Variants in CDH3 observed in about 807,000 individuals in gnomAD.
CDH3 encodes cadherin 3.
CDH3 carries 54 observed loss-of-function variants against 82.0 expected under a neutral mutation model. The ratio of observed to expected loss-of-function variants is 0.66; its 90% CI spans 0.53 to 0.83. The LOEUF (loss-of-function observed/expected upper bound fraction) is 0.83, where lower values mean the gene tolerates loss of function less well. CDH3 is among the 40% of genes least tolerant of loss of function. CDH3 has a pLI of 0.00. For synonymous variants in CDH3, 446 were observed against 437.9 expected, an observed-to-expected ratio of 1.02 and a Z score of -0.23; for missense variants, 1,054 against 1,084.6, an observed-to-expected ratio of 0.97 and a Z score of 0.40.
At chr16:68,683,896 G>A (rs1384587637) in intron 9 of CDH3, among the ~76,000 whole-genome samples, 5 of 149,798 alleles carry the variant, frequency 3.3e-5, no homozygotes, top group African/African-American at 1.2e-4. Flanking sequence ...GGTGAAACCC[G>A]TCTCTACTAA....
chr16:68,669,765 A>G (rs926965237), intron 2 of CDH3, among the ~76,000 whole-genome samples: 10 of 152,010 alleles, frequency 6.6e-5, no homozygotes, highest in Admixed American at 5.9e-4. Flanking sequence ...AATTGACAGA[A>G]TTGTCTGGTT....
chr16:68,732,426 G>C (rs116590394), downstream of CDH3, among the ~76,000 whole-genome samples: 254 of 152,268 alleles, frequency 1.7e-3, 1 homozygote, highest in African/African-American at 5.8e-3. Context: ...CTCCAGGCAG[G>C]CCAGTGGCCA....
At chr16:68,649,341 A>T (rs1431654433) in intron 2 of CDH3, among the ~76,000 whole-genome samples, 2 of 152,128 alleles carry the variant, frequency 1.3e-5, no homozygotes, top group African/African-American at 2.4e-5. Flanking sequence ...TAACATCAAG[A>T]TGGTTTTGTC....
intron 2 of CDH3, among the ~76,000 whole-genome samples, chr16:68,647,822 C>T (rs1299406513): frequency 6.6e-6 from 1 of 151,458 alleles, no homozygotes; most frequent in African/African-American, 2.5e-5. Flanking sequence ...AGCCTGGATC[C>T]AGCCACGTTG....
rs531100408 is a variant in CDH3 at position 68,705,429 on chromosome 16, T to G, written c.99+9506T>G. Among the ~76,000 whole-genome samples the G allele has an allele frequency of 9.0e-4, 137 of 151,960 alleles. 1 individual carries two copies. Among genetic ancestry groups the G allele is most frequent in the East Asian group, 2.7e-3 (14 of 5,130 alleles). On this transcript the variant is annotated intron_variant, in intron 1 of 2. Coordinates refer to the CDH3 transcript ENST00000569080. Reference sequence around the variant, plus strand: ...GCACCTGTTCTGTGCAAGACACTGGTTTTTTTTTGGAGATACAGTCTCGCT... The same window carrying G: ...GCACCTGTTCTGTGCAAGACACTGGGTTTTTTTTGGAGATACAGTCTCGCT...
intron 8 of CDH3, among the ~76,000 whole-genome samples, chr16:68,681,847 T>A (rs1961238516): frequency 6.6e-6 from 1 of 152,062 alleles, no homozygotes; most frequent in African/African-American, 2.4e-5. Flanking sequence ...AAAAATAAAA[T>A]AAAAATAAAT....
rs780527780 is a variant in CDH3, at chr16:68,679,777, G to C, written c.692-22G>C. 1.7e-5 allele frequency: 27 copies of C among 1,547,760 alleles called. No individual in the cohort carries two copies. In the Admixed American group the frequency reaches 2.2e-4, roughly 13 times the overall value. On this transcript the variant is annotated intron_variant, in intron 6 of 15. Transcript: ENST00000264012. The stretch of plus-strand genomic sequence containing the variant: ...GCTGGAGTTGGAACTGGGAGGAAAA[G>C]ATACTCATCCCTTCTCTCCAGGTAC...
At chr16:68,682,525 G>C (rs375512926) in intron 9 of CDH3, 38 bp downstream of exon 9, 45 of 1,589,854 alleles carry the variant, frequency 2.8e-5, no homozygotes, top group Non-Finnish European at 3.6e-5. Flanking sequence ...GCTATACCTG[G>C]GGCAGTCAGG....
intron 2 of CDH3, among the ~76,000 whole-genome samples, chr16:68,663,525 C>T (rs1960654133): frequency 6.6e-6 from 1 of 152,032 alleles, no homozygotes; most frequent in South Asian, 2.1e-4. Flanking sequence ...TGAGCCACCA[C>T]GCCTGGCCGA....
At chr16:68,700,872 A>T (rs1165024479), downstream of CDH3, among the ~76,000 whole-genome samples, 1 of 152,148 alleles carries the variant, frequency 6.6e-6, no homozygotes. Flanking sequence ...AAGGGTATGA[A>T]GTCGGATGAG....
chr16:68,673,770 C>A lies in CDH3; in HGVS notation c.161-2615C>A, dbSNP rs148115727. On this transcript the variant is annotated intron_variant, in intron 2 of 15. Transcript: ENST00000264012. ...TGAAACCCCATCTCTACTAAAAATACTAAAATTAGCTGGGCATGGTGGTGC... is the reference window on the plus strand; with the variant it reads ...TGAAACCCCATCTCTACTAAAAATAATAAAATTAGCTGGGCATGGTGGTGC... 2.0e-3 allele frequency among the ~76,000 whole-genome samples: 302 copies of A among 152,196 alleles called. 2 individuals carry two copies. The highest frequency in any genetic ancestry group is 6.1e-3 in the African/African-American group (252 of 41,540).
At position 68,695,316 on chromosome 16, in the gene CDH3, A is replaced by G. The variant is rs749115592; in HGVS notation, c.2064A>G (p.Leu688=). Residue 688 remains leucine (L), a synonymous_variant, in exon 14 of 16, where the codon CTA becomes CTG. Transcript: ENST00000264012. ...AGCGGAAGATCAAGGAGCCCCTCCT[A>G]CTCCCAGAAGATGACACCCGTGACA... ...RKKRKIKEPL[L]LPEDDTRDNV... is the part of the protein sequence containing the mutation. 1 of 1,613,868 alleles carries G rather than the reference A, an allele frequency of 6.2e-7. No homozygotes were observed. Among genetic ancestry groups the G allele is most frequent in the Non-Finnish European group, 8.5e-7 (1 of 1,179,980 alleles).
At chr16:68,649,896 T>C (rs1960189580) in intron 2 of CDH3, among the ~76,000 whole-genome samples, 1 of 151,808 alleles carries the variant, frequency 6.6e-6, no homozygotes. Context: ...TAGCTGGGTG[T>C]GATGGTGGTG....
chr16:68,686,982 T>A (rs1314725364), intron 11 of CDH3, among the ~76,000 whole-genome samples: 1 of 152,094 alleles, frequency 6.6e-6, no homozygotes, highest in East Asian at 1.9e-4. Flanking sequence ...AAATAAAACA[T>A]CAGCATTAGG....
chr16:68,728,706 C>A (rs948821542), downstream of CDH3, among the ~76,000 whole-genome samples: 7 of 152,120 alleles, frequency 4.6e-5, no homozygotes, highest in Non-Finnish European at 7.3e-5. Context: ...GTTGTTTGAG[C>A]TAATGGATGG....
chr16:68,715,457 C>T (rs1392561512), intron 1 of CDH3, among the ~76,000 whole-genome samples: 1 of 151,032 alleles, frequency 6.6e-6, no homozygotes, highest in East Asian at 1.9e-4. Context: ...CCAGCTCTTG[C>T]CCACTCCACA....
intron 1 of CDH3, among the ~76,000 whole-genome samples, chr16:68,714,301 G>C (rs1962067334): frequency 6.6e-6 from 1 of 152,060 alleles, no homozygotes; most frequent in Admixed American, 6.6e-5. Context: ...CCTCACCCCA[G>C]CACCAAGCAC....
chr16:68,662,506 C>T (rs1392731282), intron 2 of CDH3, among the ~76,000 whole-genome samples: 3 of 150,354 alleles, frequency 2.0e-5, no homozygotes, highest in Admixed American at 6.6e-5. Context: ...CAGTGGCTCA[C>T]GTCTGTAATC....
downstream of CDH3, among the ~76,000 whole-genome samples, chr16:68,729,652 G>C (rs1962262258): frequency 6.6e-6 from 1 of 152,078 alleles, no homozygotes; most frequent in Non-Finnish European, 1.5e-5. Context: ...TTATTTGTCT[G>C]AGACAGAGTC....
Sources: allele counts gnomAD v4.1 joint callset (sites outside exome capture counted in the v4.1 genomes callset), GRCh38; gene constraint gnomAD v4.1.1; transcripts MANE v1.5; gene names NCBI Gene and HGNC (gene_info 2026-07-23, HGNC 2026-07-21).